The following CNTN1 variants were observed in gnomAD, a reference collection of about 807,000 sequenced individuals.
The protein encoded by CNTN1 is contactin 1, also known as contactin-1.
A neutral mutation model predicts 126.4 loss-of-function variants in CNTN1; 38 were observed. The ratio of observed to expected loss-of-function variants is 0.30; its 90% CI spans 0.23 to 0.39. The LOEUF is 0.39. Among genes scored for constraint, CNTN1 ranks in the 10% least tolerant of loss-of-function variants. CNTN1 has a pLI of 1.00. For synonymous variants in CNTN1, 413 were observed against 422.6 expected (o/e 0.98, Z 0.28); for missense variants, 1,009 against 1,248.4 (o/e 0.81, Z 2.89).
At chr12:40,836,090 GTATATATATACGTACATATACAGGTA>G (rs1332629837) in intron 1 of CNTN1, among the ~76,000 whole-genome samples, 13 of 104,604 alleles carry the variant, frequency 1.2e-4, no homozygotes, top group South Asian at 5.6e-4. Flanking sequence ...ACATATACAG[GTATATATATACGTACATATACAGGTA>G]TATATATACG....
intron 17 of CNTN1, among the ~76,000 whole-genome samples, chr12:40,994,754 G>A (rs1472228136): frequency 6.6e-6 from 1 of 151,852 alleles, no homozygotes; most frequent in Non-Finnish European, 1.5e-5. Flanking sequence ...TTTGTAGGTG[G>A]ATATGCTAAC....
At chr12:41,055,023 A>G (rs1252197404) in intron 23 of CNTN1, among the ~76,000 whole-genome samples, 1 of 152,170 alleles carries the variant, frequency 6.6e-6, no homozygotes, top group African/African-American at 2.4e-5. Flanking sequence ...TTCTAGGTTA[A>G]TAACTTCTCT....
chr12:40,972,794 T>G, intron 15 of CNTN1: 1 of 265,286 alleles, frequency 3.8e-6, no homozygotes, highest in Non-Finnish European at 5.8e-6. Flanking sequence ...GAGACATGTA[T>G]GAATCGTATT....
chr12:41,040,690 T>A (rs1231998105), intron 23 of CNTN1, among the ~76,000 whole-genome samples: 4 of 151,938 alleles, frequency 2.6e-5, no homozygotes, highest in African/African-American at 9.7e-5. Flanking sequence ...TGAATGGGAG[T>A]TCACTCATGA....
chr12:40,720,003 A>ATTTTTTTTTTTT (rs561694238), intron 1 of CNTN1, among the ~76,000 whole-genome samples: 4 of 127,222 alleles, frequency 3.1e-5, no homozygotes, highest in African/African-American at 8.9e-5. Context: ...CGCCCGGTTA[A>ATTTTTTTTTTTT]TTTTTTTTTT....
chr12:40,977,417 C>T (rs1306955301), intron 15 of CNTN1, among the ~76,000 whole-genome samples: 1 of 152,102 alleles, frequency 6.6e-6, no homozygotes, highest in Non-Finnish European at 1.5e-5. Context: ...CTGGCTGCCC[C>T]TTCCCATCAC....
At chr12:40,928,228 A>T (rs570623639) in intron 6 of CNTN1, among the ~76,000 whole-genome samples, 16 of 152,184 alleles carry the variant, frequency 1.1e-4, no homozygotes, top group Non-Finnish European at 2.1e-4. Flanking sequence ...TTACATTTCA[A>T]CTGAGAATAG....
At chr12:41,030,958 T>G (rs1949133749) in intron 23 of CNTN1, among the ~76,000 whole-genome samples, 2 of 152,174 alleles carry the variant, frequency 1.3e-5, no homozygotes, top group Admixed American at 1.3e-4. Context: ...GAGGGAAATA[T>G]GGCCATTATT....
At chr12:40,904,173 C>T (rs1028618189) in intron 1 of CNTN1, among the ~76,000 whole-genome samples, 2 of 152,052 alleles carry the variant, frequency 1.3e-5, no homozygotes, top group Middle Eastern at 3.2e-3. Flanking sequence ...CGCCTGCCAC[C>T]ACGCACAGCT....
intron 1 of CNTN1, among the ~76,000 whole-genome samples, chr12:40,708,945 T>G (rs1054675152): frequency 6.6e-6 from 1 of 152,204 alleles, no homozygotes; most frequent in Non-Finnish European, 1.5e-5. Context: ...CAAATTCAAC[T>G]TCTTCCAAAC....
At chr12:40,768,789 G>A (rs1197552845) in intron 1 of CNTN1, among the ~76,000 whole-genome samples, 3 of 152,196 alleles carry the variant, frequency 2.0e-5, no homozygotes, top group Admixed American at 2.0e-4. Context: ...AACAGACAAG[G>A]AAGAGGAGTT....
chr12:40,945,414 T>C (rs1468992812), intron 14 of CNTN1, among the ~76,000 whole-genome samples: 2 of 152,074 alleles, frequency 1.3e-5, no homozygotes, highest in Non-Finnish European at 1.5e-5. Flanking sequence ...GGATCTTACT[T>C]TCTCAAAAAG....
intron 1 of CNTN1, among the ~76,000 whole-genome samples, chr12:40,839,941 G>A (rs553922564): frequency 6.6e-6 from 1 of 152,008 alleles, no homozygotes; most frequent in African/African-American, 2.4e-5. Context: ...AAAGGACAAG[G>A]AATATATACA....
At chr12:40,955,190 T>G (rs908147256) in intron 14 of CNTN1, among the ~76,000 whole-genome samples, 3 of 151,842 alleles carry the variant, frequency 2.0e-5, no homozygotes, top group African/African-American at 7.3e-5. Context: ...TAACCCCTAC[T>G]CTAAATCATA....
At chr12:40,807,299 T>C (rs765436323) in intron 1 of CNTN1, among the ~76,000 whole-genome samples, 1 of 151,990 alleles carries the variant, frequency 6.6e-6, no homozygotes, top group Non-Finnish European at 1.5e-5. Flanking sequence ...ATTATTATTA[T>C]AATTATTATT....
intron 1 of CNTN1, among the ~76,000 whole-genome samples, chr12:40,805,854 A>T (rs931462528): frequency 6.6e-6 from 1 of 152,076 alleles, no homozygotes. Context: ...CTGAATTTTT[A>T]GTTTTTTCTT....
At chr12:40,897,572 T>C (rs1173441684) in intron 1 of CNTN1, among the ~76,000 whole-genome samples, 3 of 152,232 alleles carry the variant, frequency 2.0e-5, no homozygotes, top group Admixed American at 2.0e-4. Flanking sequence ...TTGTATAATA[T>C]ACATCTCTTT....
At chr12:40,714,769 C>T (rs1942006898) in intron 1 of CNTN1, among the ~76,000 whole-genome samples, 1 of 152,090 alleles carries the variant, frequency 6.6e-6, no homozygotes, top group African/African-American at 2.4e-5. Context: ...GGATTTTGTA[C>T]TATCCAGTTC....
chr12:41,031,744 A>G (rs927901946), intron 23 of CNTN1, among the ~76,000 whole-genome samples: 2 of 152,106 alleles, frequency 1.3e-5, no homozygotes, highest in African/African-American at 4.8e-5. Context: ...TCTATTATTT[A>G]TCTCTTATTC....
Sources: allele counts gnomAD v4.1 joint callset (sites outside exome capture counted in the v4.1 genomes callset), GRCh38; gene constraint gnomAD v4.1.1; transcripts MANE v1.5; gene names NCBI Gene and HGNC (gene_info 2026-07-23, HGNC 2026-07-21).